PRXL2A: variants seen among roughly 807,000 people sequenced by gnomAD.
PRXL2A encodes the protein peroxiredoxin-like 2A.
A neutral mutation model predicts 25.6 loss-of-function variants in PRXL2A; 26 were observed. That is an observed-to-expected ratio of 1.02 (90% confidence interval 0.74 to 1.41). The LOEUF (loss-of-function observed/expected upper bound fraction) is 1.41, where lower values mean the gene tolerates loss of function less well. Among genes scored for constraint, PRXL2A ranks in the 40% most tolerant of loss-of-function variants. The probability of loss-of-function intolerance (pLI) is 0.00; values close to 1 mark genes in which losing one functional copy is unlikely to be tolerated. For missense variants in PRXL2A, 246 were observed against 273.9 expected, an observed-to-expected ratio of 0.90 and a Z score of 0.72; for synonymous variants, 98 against 102.9, an observed-to-expected ratio of 0.95 and a Z score of 0.29.
At chr10:80,423,567 A>G (rs116402312) in intron 3 of PRXL2A, among the ~76,000 whole-genome samples, 127 of 152,320 alleles carry the variant, frequency 8.3e-4, no homozygotes, top group African/African-American at 2.9e-3. Context: ...GGGCTGGTGA[A>G]GAATCCACTT....
At chr10:80,408,315 G>A (rs1232563438), upstream of PRXL2A, among the ~76,000 whole-genome samples, 2 of 152,230 alleles carry the variant, frequency 1.3e-5, no homozygotes, top group Non-Finnish European at 2.9e-5. Context: ...GCAGCGCCCT[G>A]AAGAACGCGT....
chr10:80,431,121 C>T (rs954687358), intron 5 of PRXL2A, among the ~76,000 whole-genome samples: 7 of 152,128 alleles, frequency 4.6e-5, no homozygotes, highest in Admixed American at 3.9e-4. Flanking sequence ...TGGTCTTGAA[C>T]TCCTGACCTC....
Position 80,420,492 on chromosome 10 carries a change from T to G in PRXL2A, c.25T>G (p.Phe9Val). 1 of 1,599,634 alleles carries G rather than the reference T, an allele frequency of 6.3e-7. No homozygotes were observed. The highest frequency in any genetic ancestry group is 8.5e-7 in the Non-Finnish European group (1 of 1,171,864). Reference protein sequence around the residue: MSFLQDPSFFTMGMWSIGA... With the variant: MSFLQDPSVFTMGMWSIGA... The stretch of plus-strand genomic sequence containing the variant: ...AATGTCTTTCCTCCAGGACCCAAGT[T>G]TCTTCACCATGGGGATGTGGTCCAT... Residue 9 changes from phenylalanine (F) to valine (V), a missense_variant, in exon 2 of 6, where the codon TTC (phenylalanine) becomes GTC (valine). By Grantham distance (50) the Phe-to-Val change is conservative. Coordinates refer to ENST00000606162, the MANE Select transcript of PRXL2A (RefSeq NM_032333.5).
intron 1 of PRXL2A, chr10:80,413,865 A>C (rs1192087784): frequency 1.6e-6 from 2 of 1,235,524 alleles, no homozygotes; most frequent in Admixed American, 5.2e-5. Context: ...AGAGGTGTGG[A>C]CGCTGTGTAT....
At chr10:80,410,794 A>G (rs773069700) in intron 1 of PRXL2A, among the ~76,000 whole-genome samples, 1 of 152,210 alleles carries the variant, frequency 6.6e-6, no homozygotes, top group African/African-American at 2.4e-5. Flanking sequence ...TAACTTGATG[A>G]AGCCGGAGTT....
At position 80,437,040 on chromosome 10, in the gene PRXL2A, G is replaced by A. The variant is rs1330948632; in HGVS notation, c.*4941G>A. ...AAACATAAAAATGGACAATTCCCCTGTATCTTGGGGTCTTCATTCTGAGGG... is the reference window on the plus strand; with the variant it reads ...AAACATAAAAATGGACAATTCCCCTATATCTTGGGGTCTTCATTCTGAGGG... On this transcript the variant is annotated 3_prime_UTR_variant, in exon 6 of 6. Coordinates refer to ENST00000606162, the MANE Select transcript of PRXL2A (RefSeq NM_032333.5). 2 of 152,170 alleles carry A rather than the reference G, an allele frequency of 1.3e-5. No homozygotes were observed. The highest frequency in any genetic ancestry group is 2.9e-5 in the Non-Finnish European group (2 of 68,028). The allele number at this position is 152,170 out of a possible 1,614,324, so 9.4% of individuals were successfully genotyped here.
intron 4 of PRXL2A, 26 bp downstream of exon 4, chr10:80,426,032 C>CA: frequency 1.3e-5 from 21 of 1,613,724 alleles, no homozygotes; most frequent in Non-Finnish European, 1.8e-5. Flanking sequence ...GGCTTTTAGA[C>CA]ACAGACTGCT....
intron 5 of PRXL2A, among the ~76,000 whole-genome samples, chr10:80,430,192 C>G (rs569023285): frequency 5.9e-5 from 9 of 151,466 alleles, no homozygotes; most frequent in South Asian, 4.2e-4. Context: ...CCTCCACCCC[C>G]CCGGGTTCAA....
chr10:80,424,405 C>CAAAAAAAA (rs33941883), intron 3 of PRXL2A, among the ~76,000 whole-genome samples: 1 of 75,076 alleles, frequency 1.3e-5, no homozygotes, highest in Non-Finnish European at 2.4e-5. Flanking sequence ...CCTGTCTCTA[C>CAAAAAAAA]AAAAAAAAAA....
rs10712446 is a variant in PRXL2A, at chr10:80,432,635, T to TAAAAAAAAAAA, written c.*547_*557dup. ...CAGCCTGGGTGACTGAGACTCTAACTAAAAAAAAAAAAAAAAAAAAATTGA... is the reference window on the plus strand; with the variant it reads ...CAGCCTGGGTGACTGAGACTCTAACTAAAAAAAAAAAAAAAAAAAAAAAAAAAAAAAATTGA... On this transcript the variant is annotated 3_prime_UTR_variant, in exon 6 of 6. Coordinates refer to ENST00000606162, the MANE Select transcript of PRXL2A (RefSeq NM_032333.5). 8.1e-6 allele frequency: 1 copy of TAAAAAAAAAAA among 123,670 alleles called. No homozygotes were observed. Among genetic ancestry groups the TAAAAAAAAAAA allele is most frequent in the Non-Finnish European group, 1.7e-5 (1 of 59,878 alleles). 7.7% of individuals were successfully genotyped at this position (123,670 alleles called of 1,614,324 possible). A position where few individuals can be genotyped will look rare whatever the true frequency, so the allele number is the denominator to read the frequency against.
intron 1 of PRXL2A, among the ~76,000 whole-genome samples, chr10:80,411,701 G>A (rs1023820092): frequency 6.6e-6 from 1 of 152,200 alleles, no homozygotes; most frequent in Non-Finnish European, 1.5e-5. Context: ...AAACAGAGGA[G>A]ACCAGAGAAG....
At chr10:80,410,798 C>T (rs1387349553) in intron 1 of PRXL2A, among the ~76,000 whole-genome samples, 1 of 152,124 alleles carries the variant, frequency 6.6e-6, no homozygotes, top group South Asian at 2.1e-4. Context: ...TTGATGAAGC[C>T]GGAGTTCTGA....
intron 1 of PRXL2A, among the ~76,000 whole-genome samples, chr10:80,419,402 G>T (rs1056575176): frequency 6.7e-6 from 1 of 150,264 alleles, no homozygotes; most frequent in African/African-American, 2.5e-5. Flanking sequence ...CCGCCTCCCA[G>T]GTTCAAGCGA....
chr10:80,424,589 G>C lies in PRXL2A; in HGVS notation c.271-1277G>C, dbSNP rs1844976082. Among the ~76,000 whole-genome samples, 4 of 150,140 alleles carry C rather than the reference G, an allele frequency of 2.7e-5. No individual in the cohort carries two copies. The South Asian group carries it at 8.5e-4, about 32-fold the overall frequency. ...CAAGACTCAAAAAAAAAAAAGGCCA[G>C]GTGCAGTGGCTCACACCTGTACTCC... On this transcript the variant is annotated intron_variant, in intron 3 of 5. Transcript: ENST00000606162.
At chr10:80,412,191 TC>T (rs1357948963) in intron 1 of PRXL2A, among the ~76,000 whole-genome samples, 1 of 152,170 alleles carries the variant, frequency 6.6e-6, no homozygotes, top group South Asian at 2.1e-4. Context: ...TTGAGTTCCT[TC>T]CTCTGTATAG....
chr10:80,409,135 C>T (rs2131871022), intron 1 of PRXL2A: 2 of 921,946 alleles, frequency 2.2e-6, no homozygotes, highest in Non-Finnish European at 2.6e-6. Context: ...TAAGAGGGCA[C>T]GGTTTCTAGC....
chr10:80,411,582 A>T (rs957608345), intron 1 of PRXL2A, among the ~76,000 whole-genome samples: 2 of 152,198 alleles, frequency 1.3e-5, no homozygotes, highest in African/African-American at 4.8e-5. Context: ...GCCACTGACA[A>T]CCTGCCCTGC....
rs973472672 is a variant in PRXL2A at position 80,427,266 on chromosome 10, G to A, written c.412-66G>A. On this transcript the variant is annotated intron_variant, in intron 4 of 5. Coordinates refer to ENST00000606162, the MANE Select transcript of PRXL2A (RefSeq NM_032333.5). ...TGAGAACCAATGCCCCGTCAGGAGCGTTTCCTCCTTGAGGAAGGCAGGCAT... is the reference window on the plus strand; with the variant it reads ...TGAGAACCAATGCCCCGTCAGGAGCATTTCCTCCTTGAGGAAGGCAGGCAT... 18 of 1,451,340 alleles carry A rather than the reference G, an allele frequency of 1.2e-5. No individual in the cohort carries two copies. In the African/African-American group the frequency reaches 1.4e-4, roughly 11 times the overall value. 89.9% of individuals were successfully genotyped at this position (1,451,340 alleles called of 1,614,324 possible).
In PRXL2A at chr10:80,432,533, C is replaced by T. The variant is rs927848234; in HGVS notation, c.*434C>T. 26 of 153,234 alleles carry T rather than the reference C, an allele frequency of 1.7e-4. No homozygotes were observed. The East Asian group carries it at 2.9e-3, about 17-fold the overall frequency. The allele number at this position is 153,234 out of a possible 1,614,324, so 9.5% of individuals were successfully genotyped here. A position where few individuals can be genotyped will look rare whatever the true frequency, so the allele number is the denominator to read the frequency against. ...GCAGGCACCTGTAGTCCCAGCTACC[C>T]GGGAGGCTGAGGCAGGAGAATCACT... On this transcript the variant is annotated 3_prime_UTR_variant, in exon 6 of 6. Coordinates refer to ENST00000606162, the MANE Select transcript of PRXL2A (RefSeq NM_032333.5).
Sources: allele counts gnomAD v4.1 joint callset (sites outside exome capture counted in the v4.1 genomes callset), GRCh38; gene constraint gnomAD v4.1.1; transcripts MANE v1.5; gene names NCBI Gene and HGNC (gene_info 2026-07-23, HGNC 2026-07-21).